NT5DC3: variants seen among roughly 807,000 people sequenced by gnomAD.
NT5DC3 encodes 5'-nucleotidase domain containing 3.
In NT5DC3, 42 loss-of-function variants were observed where a neutral mutation model predicts 67.8. The observed-to-expected ratio is 0.62, with a 90% confidence interval of 0.48 to 0.80. The LOEUF (loss-of-function observed/expected upper bound fraction) is 0.80, where lower values mean the gene tolerates loss of function less well. NT5DC3 is among the 30% of genes least tolerant of loss of function. The probability of loss-of-function intolerance (pLI) is 0.00; values close to 1 mark genes in which losing one functional copy is unlikely to be tolerated. For missense variants in NT5DC3, 570 were observed against 696.4 expected (o/e 0.82, Z 2.04); for synonymous variants, 237 against 255.6 (o/e 0.93, Z 0.69).
chr12:103,753,909 AAAG>A, the NT5DC3 span, among the ~76,000 whole-genome samples: 1 of 152,154 alleles, frequency 6.6e-6, no homozygotes, highest in African/African-American at 2.4e-5. Flanking sequence ...TGAAAAGAAA[AAAG>A]AGACTGCACA....
rs1885307794 is a variant in NT5DC3 at position 103,775,323 on chromosome 12, C to A, written c.*2506G>T. Reference sequence around the variant, plus strand: ...TATTCATACCCAAAAATGTTTTTCTCCTTCAAAGCTTAGGTCACCTAACGT... The same window carrying A: ...TATTCATACCCAAAAATGTTTTTCTACTTCAAAGCTTAGGTCACCTAACGT... On this transcript the variant is annotated 3_prime_UTR_variant, in exon 14 of 14. Transcript: ENST00000392876. 6.6e-6 allele frequency: 1 copy of A among 152,138 alleles called. No homozygotes were observed. Among genetic ancestry groups the A allele is most frequent in the Non-Finnish European group, 1.5e-5 (1 of 68,014 alleles). The allele number at this position is 152,138 out of a possible 1,614,324, so 9.4% of individuals were successfully genotyped here. A position where few individuals can be genotyped will look rare whatever the true frequency, so the allele number is the denominator to read the frequency against.
intron 1 of NT5DC3, among the ~76,000 whole-genome samples, chr12:103,830,615 A>G (rs1292864306): frequency 6.6e-6 from 1 of 152,210 alleles, no homozygotes; most frequent in Non-Finnish European, 1.5e-5. Flanking sequence ...CCCCCAGACC[A>G]CTAATTCTTT....
At chr12:103,827,971 T>C (rs747397529) in intron 1 of NT5DC3, among the ~76,000 whole-genome samples, 9 of 152,190 alleles carry the variant, frequency 5.9e-5, no homozygotes, top group Non-Finnish European at 8.8e-5. Context: ...GTTACAGAAG[T>C]ACAGTGTTTG....
At chr12:103,826,479 C>T (rs56123042) in intron 1 of NT5DC3, among the ~76,000 whole-genome samples, 15,430 of 152,258 alleles carry the variant, frequency 0.1, 1,121 homozygotes, top group East Asian at 0.29. Context: ...ACTCAGAAAG[C>T]CATTGCTGGC....
chr12:103,794,942 G>A (rs568571260), intron 6 of NT5DC3, among the ~76,000 whole-genome samples: 8 of 152,326 alleles, frequency 5.3e-5, no homozygotes, highest in Admixed American at 6.5e-5. Context: ...GGGCCTCTAC[G>A]TGGTGACATT....
At chr12:103,822,573 C>A (rs1310371645) in intron 1 of NT5DC3, among the ~76,000 whole-genome samples, 1 of 152,196 alleles carries the variant, frequency 6.6e-6, no homozygotes, top group East Asian at 1.9e-4. Context: ...AGTAAGAAGT[C>A]ATTTTCCTCT....
At chr12:103,755,579 T>C in the NT5DC3 span, 72 of 1,613,414 alleles carry the variant, frequency 4.5e-5, no homozygotes, top group Non-Finnish European at 5.7e-5. Context: ...CCTGCCTTAC[T>C]TGTGTGGGAC....
At chr12:103,811,909 C>T (rs1314024523) in intron 2 of NT5DC3, among the ~76,000 whole-genome samples, 1 of 151,854 alleles carries the variant, frequency 6.6e-6, no homozygotes, top group Non-Finnish European at 1.5e-5. Context: ...GACATGGACA[C>T]GGAGTGCGAG....
In NT5DC3 at chr12:103,773,137, T is replaced by G. The variant is rs1260877130; in HGVS notation, c.*4692A>C. ...CCAGCTATAAGGTTATTCATCTGCA[T>G]GTTCTCAGCAAGGGAATCTTGCCAT... On this transcript the variant is annotated 3_prime_UTR_variant, in exon 14 of 14. Transcript: ENST00000392876. 1 of 152,346 alleles carries G rather than the reference T, an allele frequency of 6.6e-6. No individual in the cohort carries two copies. The highest frequency in any genetic ancestry group is 2.4e-5 in the African/African-American group (1 of 41,572). The allele number at this position is 152,346 out of a possible 1,614,324, so 9.4% of individuals were successfully genotyped here. A position where few individuals can be genotyped will look rare whatever the true frequency, so the allele number is the denominator to read the frequency against.
At chr12:103,781,585 A>G (rs1432596214) in intron 12 of NT5DC3, among the ~76,000 whole-genome samples, 1 of 152,132 alleles carries the variant, frequency 6.6e-6, no homozygotes, top group Non-Finnish European at 1.5e-5. Flanking sequence ...CCCATCAGCC[A>G]TTAAACATGC....
rs1885245330 is a variant in NT5DC3 at position 103,773,593 on chromosome 12, G to C, written c.*4236C>G. The C allele has an allele frequency of 6.6e-6, 1 of 152,198 alleles. No individual in the cohort carries two copies. Among genetic ancestry groups the C allele is most frequent in the Non-Finnish European group, 1.5e-5 (1 of 68,034 alleles). The allele number at this position is 152,198 out of a possible 1,614,324, so 9.4% of individuals were successfully genotyped here. On this transcript the variant is annotated 3_prime_UTR_variant, in exon 14 of 14. Transcript: ENST00000392876. ...TACAAAAGAAAGTCGATATTAAGAA[G>C]GCAAAATGTAGGTTCTCTATTAGTT...
chr12:103,822,780 T>C (rs1003259172), intron 1 of NT5DC3, among the ~76,000 whole-genome samples: 1 of 152,230 alleles, frequency 6.6e-6, no homozygotes, highest in African/African-American at 2.4e-5. Flanking sequence ...ATCAAGAGTC[T>C]GTTAAAAATA....
chr12:103,794,429 C>A (rs978374917), intron 6 of NT5DC3, among the ~76,000 whole-genome samples: 1 of 152,206 alleles, frequency 6.6e-6, no homozygotes, highest in Non-Finnish European at 1.5e-5. Context: ...GGATTGCAGG[C>A]ATGAGCCACC....
chr12:103,827,153 G>A (rs898956680), intron 1 of NT5DC3, among the ~76,000 whole-genome samples: 10 of 152,296 alleles, frequency 6.6e-5, no homozygotes, highest in African/African-American at 1.4e-4. Context: ...GCTGAGGCAG[G>A]AGAATTGCTT....
intron 2 of NT5DC3, among the ~76,000 whole-genome samples, chr12:103,809,904 G>A (rs1886958229): frequency 6.6e-6 from 1 of 152,130 alleles, no homozygotes; most frequent in South Asian, 2.1e-4. Context: ...TCAAATCCTG[G>A]TCCTGCTATG....
chr12:103,750,729 G>T, the NT5DC3 span: 2 of 1,608,380 alleles, frequency 1.2e-6, no homozygotes, highest in Non-Finnish European at 1.7e-6. Flanking sequence ...GGGTTAGTGT[G>T]ACCAGGGCCT....
chr12:103,750,048 A>G, the NT5DC3 span, among the ~76,000 whole-genome samples: 9,614 of 152,108 alleles, frequency 0.063, 996 homozygotes, highest in African/African-American at 0.22. Context: ...TCATTTGTAA[A>G]GTGGGCCTCA....
At chr12:103,750,096 A>AC in the NT5DC3 span, among the ~76,000 whole-genome samples, 468 of 152,278 alleles carry the variant, frequency 3.1e-3, 2 homozygotes, top group African/African-American at 0.011. Flanking sequence ...GTGGGGATTA[A>AC]AGGAGATCAT....
intron 4 of NT5DC3, among the ~76,000 whole-genome samples, chr12:103,801,372 C>CTTTTTTTTTTTTTTTTTT (rs869237844): frequency 3.8e-5 from 3 of 78,946 alleles, no homozygotes; most frequent in African/African-American, 1.6e-4. Context: ...TTGGGGTGGG[C>CTTTTTTTTTTTTTTTTTT]TTTTTTTTTT....
Sources: allele counts gnomAD v4.1 joint callset (sites outside exome capture counted in the v4.1 genomes callset), GRCh38; gene constraint gnomAD v4.1.1; transcripts MANE v1.5; gene names NCBI Gene and HGNC (gene_info 2026-07-23, HGNC 2026-07-21).